POLA1: variants seen among roughly 807,000 people sequenced by gnomAD.
The protein encoded by POLA1 is DNA polymerase alpha catalytic subunit.
A neutral mutation model predicts 124.0 loss-of-function variants in POLA1; 15 were observed. That is an observed-to-expected ratio of 0.12 (90% CI 0.08 to 0.19). POLA1 has a LOEUF of 0.19. Ranked by LOEUF, POLA1 falls within the 10% of genes least tolerant of loss-of-function variation. The pLI is 1.00. For missense variants in POLA1, 886 were observed against 1,103.4 expected (o/e 0.80, Z 2.79); for synonymous variants, 408 against 389.4 (o/e 1.05, Z -0.56).
chrX:24,930,493 G>A lies in POLA1; in HGVS notation c.4205G>A (p.Arg1402Gln), dbSNP rs375609607. ...KSLYTQLCFYRYIFDAECALE... is the reference protein window; with the variant it reads ...KSLYTQLCFYQYIFDAECALE... ...CTGTACACCCAGCTGTGCTTTTACC[G>A]GTACATTTTTGATGCGGAGTGTGCA... The change falls in exon 36 of 37, where the codon CGG (arginine) becomes CAG (glutamine). Residue 1402 changes from arginine (R) to glutamine (Q), a missense_variant. By Grantham distance (43) the Arg-to-Gln change is conservative (BLOSUM62 1). This residue lies in a region of POLA1 where 313 missense variants were observed against 359.7 expected (regional missense o/e 0.87). Coordinates refer to ENST00000379068, the MANE Select transcript of POLA1 (RefSeq NM_001330360.2). 1.0e-5 allele frequency: 12 copies of A among 1,198,857 alleles called. No homozygotes were observed. The East Asian group carries it at 2.4e-4, about 24-fold the overall frequency.
intron 15 of POLA1, among the ~76,000 whole-genome samples, chrX:24,729,115 T>A (rs1328347129): frequency 8.9e-6 from 1 of 112,342 alleles, no homozygotes; most frequent in African/African-American, 3.2e-5. Context: ...TGTGTCTGAT[T>A]AGCAGTTGAA....
intron 24 of POLA1, among the ~76,000 whole-genome samples, chrX:24,747,272 TCTC>T (rs1459592859): frequency 5.5e-5 from 6 of 109,075 alleles, no homozygotes; most frequent in Non-Finnish European, 3.8e-5. Context: ...TTCAAGCAAT[TCTC>T]CTGCCTCAGC....
chrX:24,839,933 C>G (rs1402593470), intron 32 of POLA1, among the ~76,000 whole-genome samples: 2 of 111,920 alleles, frequency 1.8e-5, no homozygotes, highest in Non-Finnish European at 3.8e-5. Context: ...GGTGTGGTCT[C>G]TCTCAATTCC....
intron 14 of POLA1, 105 bp downstream of exon 14, chrX:24,727,176 C>T: frequency 1.5e-6 from 1 of 682,889 alleles, no homozygotes; most frequent in South Asian, 2.9e-5. Flanking sequence ...TGTCTACTTC[C>T]TTTTCTGTTT....
chrX:24,984,063 CATT>C (rs1454420521), intron 36 of POLA1, among the ~76,000 whole-genome samples: 1 of 112,426 alleles, frequency 8.9e-6, no homozygotes, highest in African/African-American at 3.2e-5. Flanking sequence ...CCCTTTAAAT[CATT>C]GAGTGTAAGA....
intron 34 of POLA1, among the ~76,000 whole-genome samples, chrX:24,854,317 T>G (rs1439481290): frequency 9.0e-6 from 1 of 111,328 alleles, no homozygotes; most frequent in Non-Finnish European, 1.9e-5. Flanking sequence ...CCCAAAGTGC[T>G]GGGATTATAG....
At chrX:24,835,144 T>C (rs182403375) in intron 32 of POLA1, among the ~76,000 whole-genome samples, 106 of 109,033 alleles carry the variant, frequency 9.7e-4, no homozygotes, top group African/African-American at 3.3e-3. Flanking sequence ...GCCTCCCAGG[T>C]TCAAGCGATT....
chrX:24,984,038 G>C (rs1262990258), intron 36 of POLA1, among the ~76,000 whole-genome samples: 2 of 112,496 alleles, frequency 1.8e-5, no homozygotes, highest in East Asian at 5.6e-4. Flanking sequence ...TACTGTGTAA[G>C]AGACACACTG....
intron 32 of POLA1, among the ~76,000 whole-genome samples, chrX:24,829,493 C>T (rs956344612): frequency 9.0e-6 from 1 of 111,708 alleles, no homozygotes; most frequent in African/African-American, 3.3e-5. Context: ...TCCTTTCCTT[C>T]TGCCCCCTTC....
At chrX:24,766,510 G>A (rs935880184) in intron 26 of POLA1, among the ~76,000 whole-genome samples, 1 of 112,204 alleles carries the variant, frequency 8.9e-6, no homozygotes, top group African/African-American at 3.2e-5. Context: ...GACTGATGAG[G>A]TGAGTTGCCA....
intron 35 of POLA1, among the ~76,000 whole-genome samples, chrX:24,897,716 T>G (rs891444085): frequency 1.8e-5 from 2 of 111,777 alleles, no homozygotes; most frequent in Non-Finnish European, 3.8e-5. Flanking sequence ...CCTTACTCTT[T>G]CCCACCTATT....
At chrX:24,921,891 T>TG (rs2047620385) in intron 35 of POLA1, among the ~76,000 whole-genome samples, 5 of 108,635 alleles carry the variant, frequency 4.6e-5, no homozygotes, top group African/African-American at 1.4e-4. Context: ...AGTTTTGCCT[T>TG]TTGTGTGTGT....
intron 34 of POLA1, among the ~76,000 whole-genome samples, chrX:24,859,889 T>C (rs1396532006): frequency 8.9e-6 from 1 of 112,852 alleles, no homozygotes; most frequent in Non-Finnish European, 1.9e-5. Context: ...TCATCTTTAA[T>C]CTCTTGCTGT....
intron 26 of POLA1, among the ~76,000 whole-genome samples, chrX:24,778,721 A>C (rs746385407): frequency 8.9e-6 from 1 of 111,807 alleles, no homozygotes; most frequent in African/African-American, 3.3e-5. Flanking sequence ...AAACCCTGTG[A>C]TATTATTTTT....
At chrX:24,943,014 C>G (rs1042276309) in intron 36 of POLA1, among the ~76,000 whole-genome samples, 2 of 112,336 alleles carry the variant, frequency 1.8e-5, no homozygotes, top group African/African-American at 6.5e-5. Flanking sequence ...AGAGTATTCT[C>G]TCTTCACTCT....
At chrX:24,694,306 TGAGACTGGCCCCGTGGGGCCGAAAG>T (rs1454804600) in intron 1 of POLA1, among the ~76,000 whole-genome samples, 1 of 112,574 alleles carries the variant, frequency 8.9e-6, no homozygotes, top group African/African-American at 3.2e-5. Flanking sequence ...ATAACTTTAT[TGAGACTGGCCCCGTGGGGCCGAAAG>T]TATTTCACTG....
intron 35 of POLA1, among the ~76,000 whole-genome samples, chrX:24,927,726 GGAGA>G (rs2047716106): frequency 8.9e-6 from 1 of 112,217 alleles, no homozygotes; most frequent in South Asian, 3.7e-4. Flanking sequence ...AGTGAAAGCT[GGAGA>G]GAGAAAGAAA....
At chrX:24,724,523 C>T (rs1449676405) in intron 12 of POLA1, 72 bp downstream of exon 12, 1 of 524,556 alleles carries the variant, frequency 1.9e-6, no homozygotes, top group African/African-American at 2.4e-5. Context: ...ATAGTTATTG[C>T]ATATTTTCTT....
At chrX:24,808,229 G>A (rs1049851425) in intron 26 of POLA1, among the ~76,000 whole-genome samples, 2 of 111,811 alleles carry the variant, frequency 1.8e-5, no homozygotes, top group African/African-American at 6.5e-5. Context: ...CCTAGGCATG[G>A]CCCTTCATGG....
Sources: gnomAD v4.1 joint callset for allele counts (sites outside exome capture counted in the v4.1 genomes callset) on GRCh38, gnomAD v4.1.1 for gene constraint, gnomAD v4.1.1 regional missense constraint, MANE v1.5 for transcripts, NCBI Gene and HGNC (gene_info 2026-07-23, HGNC 2026-07-21) for gene names.